NREP: variants seen among roughly 807,000 people sequenced by gnomAD.
The protein encoded by NREP is neuronal regeneration-related protein.
A neutral mutation model predicts 8.6 loss-of-function variants in NREP; 5 were observed. The ratio of observed to expected loss-of-function variants is 0.58; its 90% CI spans 0.30 to 1.22. NREP has a LOEUF of 1.22. NREP is among the 50% of genes most tolerant of loss of function. The pLI is 0.07. For synonymous variants in NREP, 27 were observed against 28.0 expected, an observed-to-expected ratio of 0.96 and a Z score of 0.11; for missense variants, 86 against 82.5, an observed-to-expected ratio of 1.04 and a Z score of -0.17.
intron 2 of NREP, among the ~76,000 whole-genome samples, chr5:111,831,286 G>A (rs1467362460): frequency 1.3e-5 from 2 of 152,014 alleles, no homozygotes; most frequent in Non-Finnish European, 2.9e-5. Flanking sequence ...GCTATCAGTG[G>A]TTTCTCTCCT....
chr5:111,729,029 A>G (rs1027507628), downstream of NREP: 4 of 149,424 alleles, frequency 2.7e-5, no homozygotes, highest in Admixed American at 6.7e-5. Context: ...GGAAGGGAGA[A>G]AAAGTGTAGA....
intron 2 of NREP, among the ~76,000 whole-genome samples, chr5:111,848,652 C>G (rs540672870): frequency 6.6e-6 from 1 of 151,918 alleles, no homozygotes; most frequent in Non-Finnish European, 1.5e-5. Flanking sequence ...TCCCCCCAAC[C>G]CCCCCATCCC....
chr5:111,947,999 C>T (rs1048284187), intron 2 of NREP, among the ~76,000 whole-genome samples: 2 of 152,016 alleles, frequency 1.3e-5, no homozygotes, highest in East Asian at 1.9e-4. Flanking sequence ...CTAATCCAAT[C>T]GTTGCTGCCA....
intron 2 of NREP, among the ~76,000 whole-genome samples, chr5:111,889,701 G>C (rs150464443): frequency 6.6e-6 from 1 of 152,126 alleles, no homozygotes; most frequent in Non-Finnish European, 1.5e-5. Context: ...ACATGCGTCC[G>C]TGTGAAGAGA....
intron 2 of NREP, among the ~76,000 whole-genome samples, chr5:111,851,413 G>C (rs1753306069): frequency 6.6e-6 from 1 of 152,060 alleles, no homozygotes; most frequent in African/African-American, 2.4e-5. Context: ...GGTTACCAAA[G>C]TCATTAATAG....
intron 2 of NREP, among the ~76,000 whole-genome samples, chr5:111,824,073 G>A (rs531794004): frequency 2.2e-4 from 34 of 152,218 alleles, no homozygotes; most frequent in South Asian, 1.2e-3. Context: ...TGGAAAATGG[G>A]AAAGAAATAT....
At chr5:111,791,175 A>C (rs1399706136) in intron 2 of NREP, among the ~76,000 whole-genome samples, 1 of 152,218 alleles carries the variant, frequency 6.6e-6, no homozygotes, top group Admixed American at 6.5e-5. Context: ...ATTAAATCAA[A>C]CTAATTAATG....
intron 2 of NREP, among the ~76,000 whole-genome samples, chr5:111,780,071 C>T (rs188618613): frequency 1.3e-5 from 2 of 152,142 alleles, no homozygotes; most frequent in Non-Finnish European, 2.9e-5. Flanking sequence ...CATTTTAAAC[C>T]ACAACTGAAC....
chr5:111,881,906 T>G (rs1170159160), intron 2 of NREP, among the ~76,000 whole-genome samples: 1 of 152,034 alleles, frequency 6.6e-6, no homozygotes, highest in East Asian at 1.9e-4. Flanking sequence ...AACTGGAAAC[T>G]CTAAAAAGCA....
intron 2 of NREP, among the ~76,000 whole-genome samples, chr5:111,775,167 G>A (rs1217048460): frequency 6.6e-6 from 1 of 151,842 alleles, no homozygotes; most frequent in Non-Finnish European, 1.5e-5. Flanking sequence ...CTGGGAGTAC[G>A]GATGCACGCC....
upstream of NREP, among the ~76,000 whole-genome samples, chr5:111,761,744 G>A (rs1250674265): frequency 6.6e-6 from 1 of 152,142 alleles, no homozygotes; most frequent in Non-Finnish European, 1.5e-5. Flanking sequence ...TCCAGGGAAG[G>A]TGACGCCAAG....
At position 111,763,201 on chromosome 5, in the gene NREP, G is replaced by T. The variant is rs148202983; in HGVS notation, c.136-27694C>A. ...TATGCTCAGTGTCTTCGTATTAGACGATTCAGTAAGTCTCAGGGAGGAACA... is the reference window on the plus strand; with the variant it reads ...TATGCTCAGTGTCTTCGTATTAGACTATTCAGTAAGTCTCAGGGAGGAACA... On this transcript the variant is annotated intron_variant, in intron 2 of 3. Transcript: ENST00000395634. Among the ~76,000 whole-genome samples the T allele has an allele frequency of 8.4e-3, 1,274 of 152,278 alleles. 17 individuals carry two copies. Among genetic ancestry groups the T allele is most frequent in the South Asian group, 0.049 (237 of 4,826 alleles).
At chr5:111,868,826 A>C (rs2112492822) in intron 2 of NREP, among the ~76,000 whole-genome samples, 1 of 146,666 alleles carries the variant, frequency 6.8e-6, no homozygotes. Context: ...AGCATCATCC[A>C]GTTTTTCTTT....
intron 2 of NREP, among the ~76,000 whole-genome samples, chr5:111,874,197 C>T (rs1581180245): frequency 3.3e-5 from 5 of 151,882 alleles, no homozygotes; most frequent in South Asian, 2.1e-4. Flanking sequence ...AAATATAAGA[C>T]GTGTTTTAAA....
At chr5:111,871,364 G>C (rs1306659755) in intron 2 of NREP, among the ~76,000 whole-genome samples, 2 of 152,088 alleles carry the variant, frequency 1.3e-5, no homozygotes, top group Middle Eastern at 3.2e-3. Flanking sequence ...TTGTATACTT[G>C]TACGGCACTT....
chr5:111,856,943 A>G (rs1475801151), intron 2 of NREP, among the ~76,000 whole-genome samples: 1 of 152,086 alleles, frequency 6.6e-6, no homozygotes, highest in Non-Finnish European at 1.5e-5. Context: ...TATAAGTTTG[A>G]TGCCAGCCCC....
chr5:111,757,393 C>G, upstream of NREP: 1 of 966,468 alleles, frequency 1.0e-6, no homozygotes, highest in Non-Finnish European at 1.2e-6. Flanking sequence ...GCTCTCTCTC[C>G]AAGAGTGTGT....
At chr5:111,976,186 T>C (rs1041636461) in intron 1 of NREP, among the ~76,000 whole-genome samples, 1 of 152,188 alleles carries the variant, frequency 6.6e-6, no homozygotes. Context: ...GATTATACAA[T>C]AGCTTTTGAC....
At chr5:111,757,238 AG>A, upstream of NREP, 2 of 10,586 alleles carry the variant, frequency 1.9e-4, no homozygotes, top group Non-Finnish European at 2.5e-4. Context: ...TTGGGGGGGG[AG>A]GGGGGATTGG....
Sources: allele counts gnomAD v4.1 joint callset (sites outside exome capture counted in the v4.1 genomes callset), GRCh38; gene constraint gnomAD v4.1.1; transcripts MANE v1.5; gene names NCBI Gene and HGNC (gene_info 2026-07-23, HGNC 2026-07-21).